The following TNPO3 variants were observed in gnomAD, a reference collection of about 807,000 sequenced individuals.
TNPO3 encodes transportin 3.
Under a neutral mutation model 122.8 loss-of-function variants are expected in TNPO3, and 65 were observed. The observed-to-expected ratio is 0.53, with a 90% CI of 0.43 to 0.65. The LOEUF (loss-of-function observed/expected upper bound fraction) is 0.65. Ranked by LOEUF, TNPO3 falls within the 30% of genes least tolerant of loss-of-function variation. TNPO3 has a pLI of 0.00. For synonymous variants in TNPO3, 372 were observed against 411.2 expected (o/e 0.90, Z 1.15); for missense variants, 850 against 1,136.7 (o/e 0.75, Z 3.63).
At chr7:128,989,859 G>T in intron 11 of TNPO3, 102 bp downstream of exon 11, 1 of 1,354,428 alleles carries the variant, frequency 7.4e-7, no homozygotes, top group South Asian at 1.4e-5. Context: ...AACACTCCGT[G>T]TTAAAAAAAC....
intron 17 of TNPO3, 43 bp downstream of exon 17, chr7:128,975,776 C>A: frequency 8.1e-7 from 1 of 1,234,974 alleles, no homozygotes; most frequent in Non-Finnish European, 1.2e-6. Flanking sequence ...GGCCTTCAGA[C>A]CCTCTAGGCC....
intron 1 of TNPO3, among the ~76,000 whole-genome samples, chr7:129,022,957 A>G (rs987664147): frequency 1.3e-5 from 2 of 152,238 alleles, no homozygotes; most frequent in African/African-American, 4.8e-5. Flanking sequence ...TTAAGAATAA[A>G]TGAAAGTCGA....
chr7:129,055,006 C>A lies in TNPO3; in HGVS notation c.-236G>T. ...TTTTTTCCGGTTTTTCCACTTGATT[C>A]TAGACTCTTGAGTCCACAGATTCTG... On this transcript the variant is annotated 5_prime_UTR_variant, in exon 1 of 23. Coordinates refer to ENST00000265388, the MANE Select transcript of TNPO3 (RefSeq NM_012470.4). 1 of 520,820 alleles carries A rather than the reference C, an allele frequency of 1.9e-6. No individual in the cohort carries two copies. 32.3% of individuals were successfully genotyped at this position (520,820 alleles called of 1,614,324 possible). A position where few individuals can be genotyped will look rare whatever the true frequency, so the allele number is the denominator to read the frequency against.
intron 13 of TNPO3, among the ~76,000 whole-genome samples, chr7:128,983,177 T>G (rs1799802110): frequency 6.6e-6 from 1 of 152,092 alleles, no homozygotes; most frequent in Non-Finnish European, 1.5e-5. Flanking sequence ...AGCATTAATG[T>G]TAAATGGAGA....
chr7:128,994,226 C>CT (rs1463796752), intron 8 of TNPO3, among the ~76,000 whole-genome samples: 1 of 152,002 alleles, frequency 6.6e-6, no homozygotes. Flanking sequence ...GGTGCGATCT[C>CT]TGCTTACTGC....
intron 8 of TNPO3, among the ~76,000 whole-genome samples, chr7:128,996,971 T>C (rs1466073720): frequency 1.3e-5 from 2 of 152,094 alleles, no homozygotes; most frequent in African/African-American, 4.8e-5. Context: ...TTCTGCAGAT[T>C]TAAGATATAC....
intron 12 of TNPO3, among the ~76,000 whole-genome samples, chr7:128,984,682 G>C (rs1015390864): frequency 2.6e-5 from 4 of 152,112 alleles, no homozygotes; most frequent in Admixed American, 2.6e-4. Flanking sequence ...GCTTTTAGAA[G>C]AATGGGCTGC....
chr7:128,980,613 G>A (rs976661231), intron 14 of TNPO3, among the ~76,000 whole-genome samples: 19 of 152,064 alleles, frequency 1.2e-4, no homozygotes, highest in African/African-American at 4.1e-4. Context: ...TCACTTGAAC[G>A]TGGGAGGCAG....
intron 18 of TNPO3, among the ~76,000 whole-genome samples, chr7:128,973,129 G>C (rs1798661739): frequency 1.3e-5 from 2 of 152,138 alleles, no homozygotes; most frequent in Non-Finnish European, 2.9e-5. Context: ...AACTCTCCTA[G>C]GTTAAAAAGT....
intron 18 of TNPO3, among the ~76,000 whole-genome samples, chr7:128,972,792 C>T (rs556981578): frequency 2.3e-4 from 35 of 152,166 alleles, no homozygotes; most frequent in Non-Finnish European, 4.3e-4. Context: ...CATGTCATTA[C>T]ACATTTGTCA....
chr7:128,980,477 G>A (rs904590545), intron 14 of TNPO3, among the ~76,000 whole-genome samples: 19 of 152,010 alleles, frequency 1.2e-4, no homozygotes, highest in Admixed American at 4.6e-4. Flanking sequence ...GCGTGGTGGC[G>A]CATGCCTGTA....
chr7:128,985,595 A>AAAAT (rs987001240), intron 12 of TNPO3, among the ~76,000 whole-genome samples: 3 of 152,198 alleles, frequency 2.0e-5, no homozygotes, highest in Non-Finnish European at 4.4e-5. Context: ...CCCTGTCTCT[A>AAAAT]AAATAAATAA....
At chr7:129,054,539 TC>T in intron 1 of TNPO3, 111 bp downstream of exon 1, 1 of 1,498,240 alleles carries the variant, frequency 6.7e-7, no homozygotes, top group Non-Finnish European at 8.9e-7. Context: ...CAGCAGCTCC[TC>T]CCCAAGGAGG....
chr7:128,999,993 T>G (rs565330454), intron 7 of TNPO3, among the ~76,000 whole-genome samples: 1 of 152,202 alleles, frequency 6.6e-6, no homozygotes, highest in African/African-American at 2.4e-5. Context: ...CCTCGGTAAG[T>G]AGGATGTCAA....
intron 5 of TNPO3, 54 bp from the exon 6 acceptor site, chr7:129,001,288 C>CA: frequency 8.6e-6 from 13 of 1,513,656 alleles, no homozygotes; most frequent in Middle Eastern, 1.8e-4. Flanking sequence ...AAGGAGTGAT[C>CA]TACAGTTGGC....
At position 129,017,999 on chromosome 7, in the gene TNPO3, A is replaced by G; in HGVS notation, c.279T>C (p.His93=). 1.2e-6 allele frequency: 2 copies of G among 1,614,152 alleles called. No homozygotes were observed. Among genetic ancestry groups the G allele is most frequent in the South Asian group, 1.1e-5 (1 of 91,082 alleles). The part of the protein sequence containing the change: ...HASLRDSLLT[H]IQNLKDLSPV... ...GTGACAAGTCTTTCAAGTTCTGGAT[A>G]TGGGTTAGCAATGAGTCCCGTAAAG... Residue 93 remains histidine, a synonymous_variant, in exon 2 of 23, where the codon CAT becomes CAC. Coordinates refer to ENST00000265388, the MANE Select transcript of TNPO3 (RefSeq NM_012470.4).
intron 1 of TNPO3, among the ~76,000 whole-genome samples, chr7:129,050,199 T>A (rs150882068): frequency 1.3e-5 from 2 of 151,792 alleles, no homozygotes; most frequent in Admixed American, 6.6e-5. Context: ...CTGGCTAACA[T>A]GGTGAAACCT....
rs929448585 is a variant in TNPO3 at position 129,055,056 on chromosome 7, T to C, written c.-286A>G. 5 of 407,246 alleles carry C rather than the reference T, an allele frequency of 1.2e-5. No individual in the cohort carries two copies. The highest frequency in any genetic ancestry group is 2.3e-5 in the Non-Finnish European group (5 of 216,772). The allele number at this position is 407,246 out of a possible 1,614,324, so 25.2% of individuals were successfully genotyped here. ...GGCGCTCCCGTCTTCAGTCGCTGAC[T>C]TGCCCTCAGAAGCCTATCTTGGGAG... On this transcript the variant is annotated 5_prime_UTR_variant, in exon 1 of 23. Transcript: ENST00000265388.
chr7:129,009,813 G>A (rs1802984552), intron 4 of TNPO3, among the ~76,000 whole-genome samples: 1 of 152,190 alleles, frequency 6.6e-6, no homozygotes, highest in Admixed American at 6.5e-5. Context: ...TACAAAGTTA[G>A]TACTGCTGAA....
Sources: allele counts gnomAD v4.1 joint callset (sites outside exome capture counted in the v4.1 genomes callset), GRCh38; gene constraint gnomAD v4.1.1; transcripts MANE v1.5; gene names NCBI Gene and HGNC (gene_info 2026-07-23, HGNC 2026-07-21).